Variants in SORCS1 observed in about 807,000 individuals in gnomAD.
SORCS1 encodes the protein sortilin related VPS10 domain containing receptor 1, also known as VPS10 domain-containing receptor SorCS1.
A neutral mutation model predicts 146.1 loss-of-function variants in SORCS1; 60 were observed. The observed-to-expected ratio is 0.41, with a 90% CI of 0.33 to 0.51. The LOEUF (loss-of-function observed/expected upper bound fraction) is 0.51, where lower values mean the gene tolerates loss of function less well. Among genes scored for constraint, SORCS1 ranks in the 20% least tolerant of loss-of-function variants. The pLI is 0.21. For synonymous variants in SORCS1, 637 were observed against 584.0 expected (o/e 1.09, Z -1.31); for missense variants, 1,352 against 1,487.6 (o/e 0.91, Z 1.50).
At chr10:107,011,098 G>C (rs1387538700) in intron 1 of SORCS1, among the ~76,000 whole-genome samples, 2 of 152,154 alleles carry the variant, frequency 1.3e-5, no homozygotes. Context: ...TAATAATTCT[G>C]CCCTAATCAC....
At chr10:106,864,386 G>A (rs1269382938) in intron 2 of SORCS1, among the ~76,000 whole-genome samples, 4 of 152,068 alleles carry the variant, frequency 2.6e-5, no homozygotes, top group African/African-American at 4.8e-5. Context: ...TGCAACCCTC[G>A]AGTCAGAAGA....
chr10:106,804,852 G>A (rs1257420356), intron 3 of SORCS1, among the ~76,000 whole-genome samples: 1 of 152,118 alleles, frequency 6.6e-6, no homozygotes, highest in Non-Finnish European at 1.5e-5. Context: ...TCTAAAGATA[G>A]ATAACCCATT....
At chr10:106,730,456 G>C (rs900324062) in intron 5 of SORCS1, among the ~76,000 whole-genome samples, 1 of 152,156 alleles carries the variant, frequency 6.6e-6, no homozygotes, top group African/African-American at 2.4e-5. Flanking sequence ...TTATTAGGCA[G>C]GCATGCTGCT....
intron 1 of SORCS1, among the ~76,000 whole-genome samples, chr10:107,065,727 A>T (rs1363463382): frequency 6.6e-6 from 1 of 151,980 alleles, no homozygotes; most frequent in Non-Finnish European, 1.5e-5. Flanking sequence ...TATGTTGCTC[A>T]GGCTGGTCTC....
chr10:106,650,732 T>C (rs1936180896), intron 18 of SORCS1, among the ~76,000 whole-genome samples: 1 of 152,184 alleles, frequency 6.6e-6, no homozygotes, highest in African/African-American at 2.4e-5. Context: ...TATAAATTGC[T>C]AAAGTTCTCG....
At chr10:106,676,870 T>C (rs1852067780) in intron 13 of SORCS1, among the ~76,000 whole-genome samples, 1 of 152,160 alleles carries the variant, frequency 6.6e-6, no homozygotes, top group Non-Finnish European at 1.5e-5. Context: ...GAGCTGAAAC[T>C]TACCAGATAA....
intron 1 of SORCS1, 72 bp downstream of exon 1, chr10:107,163,897 C>T: frequency 2.0e-6 from 3 of 1,500,760 alleles, no homozygotes; most frequent in Non-Finnish European, 2.7e-6. Flanking sequence ...CCCAATTCTC[C>T]ATCAGATCAC....
At chr10:106,693,502 C>T (rs906696094) in intron 9 of SORCS1, among the ~76,000 whole-genome samples, 2 of 152,120 alleles carry the variant, frequency 1.3e-5, no homozygotes, top group Admixed American at 6.6e-5. Context: ...TTTATTCAGT[C>T]GTTAGTACAT....
intron 1 of SORCS1, among the ~76,000 whole-genome samples, chr10:106,984,704 A>G (rs1367633064): frequency 6.6e-6 from 1 of 151,884 alleles, no homozygotes; most frequent in African/African-American, 2.4e-5. Context: ...ACCATTCTTA[A>G]TTGTAAAAGT....
At chr10:107,065,435 C>CTTTCTTTCTTTCTTTCTTTCTTTCT (rs1961684885) in intron 1 of SORCS1, among the ~76,000 whole-genome samples, 1 of 147,668 alleles carries the variant, frequency 6.8e-6, no homozygotes, top group Non-Finnish European at 1.5e-5. Context: ...TTCTTTCTTT[C>CTTTCTTTCTTTCTTTCTTTCTTTCT]TTTCTTTCTT....
chr10:106,587,775 G>A (rs887348571), intron 24 of SORCS1, among the ~76,000 whole-genome samples: 3 of 152,128 alleles, frequency 2.0e-5, no homozygotes, highest in African/African-American at 4.8e-5. Context: ...TTCCTGAACC[G>A]AGCAGTTTAA....
chr10:106,843,688 GC>G (rs973768819), intron 2 of SORCS1, among the ~76,000 whole-genome samples: 2 of 151,980 alleles, frequency 1.3e-5, no homozygotes, highest in Non-Finnish European at 2.9e-5. Context: ...GCCCACCTTG[GC>G]CCCCCAAAGT....
At chr10:107,171,557 C>A in the SORCS1 span, among the ~76,000 whole-genome samples, 2 of 126,126 alleles carry the variant, frequency 1.6e-5, no homozygotes, top group East Asian at 4.7e-4. Flanking sequence ...AACTCTGTCT[C>A]CCAGGCTGGA....
intron 1 of SORCS1, among the ~76,000 whole-genome samples, chr10:107,039,697 A>G (rs74154835): frequency 0.029 from 4,467 of 152,280 alleles, 211 homozygotes; most frequent in African/African-American, 0.1. Flanking sequence ...CTGTTTTTTA[A>G]AGAGACTAGA....
chr10:106,780,186 A>G (rs774971245), intron 3 of SORCS1, among the ~76,000 whole-genome samples: 9 of 152,246 alleles, frequency 5.9e-5, no homozygotes, highest in Non-Finnish European at 1.2e-4. Flanking sequence ...AATAAGTCAT[A>G]TCTTCTCACA....
chr10:106,629,559 C>T (rs1057222072), intron 18 of SORCS1, among the ~76,000 whole-genome samples, 171 bp from the exon 19 acceptor site: 3 of 152,172 alleles, frequency 2.0e-5, no homozygotes, highest in Non-Finnish European at 4.4e-5. Context: ...TGTGACATTC[C>T]CTGGCAGGCA....
chr10:106,938,718 A>G (rs560530035), intron 2 of SORCS1, among the ~76,000 whole-genome samples: 5 of 152,336 alleles, frequency 3.3e-5, no homozygotes, highest in African/African-American at 9.6e-5. Context: ...ATAAACAAAC[A>G]AAGTGGTTAT....
At chr10:106,949,129 C>G (rs1461740323) in intron 2 of SORCS1, among the ~76,000 whole-genome samples, 2 of 152,164 alleles carry the variant, frequency 1.3e-5, no homozygotes, top group African/African-American at 4.8e-5. Context: ...CCCTTAGACT[C>G]TGGAGAGGTA....
chr10:106,706,435 T>C lies in SORCS1; in HGVS notation c.1233+110A>G, dbSNP rs568429885. 21 of 1,045,812 alleles carry C rather than the reference T, an allele frequency of 2.0e-5. No individual in the cohort carries two copies. The African/African-American group carries it at 3.3e-4, about 17-fold the overall frequency. The allele number at this position is 1,045,812 out of a possible 1,614,324, so 64.8% of individuals were successfully genotyped here. On this transcript the variant is annotated intron_variant, in intron 8 of 25. Coordinates refer to ENST00000263054, the MANE Select transcript of SORCS1 (RefSeq NM_052918.5). Reference sequence around the variant, plus strand: ...ACTTGGGAAACAGAGATGAGAGATGTAAAGAAAACATGACTATGAGAGGCT... The same window carrying C: ...ACTTGGGAAACAGAGATGAGAGATGCAAAGAAAACATGACTATGAGAGGCT...
Sources: allele counts gnomAD v4.1 joint callset (sites outside exome capture counted in the v4.1 genomes callset), GRCh38; gene constraint gnomAD v4.1.1; transcripts MANE v1.5; gene names NCBI Gene and HGNC (gene_info 2026-07-23, HGNC 2026-07-21).